The following GRID1 variants were observed in gnomAD, a reference collection of about 807,000 sequenced individuals.
The protein encoded by GRID1 is glutamate ionotropic receptor delta type subunit 1, also known as glutamate receptor ionotropic, delta-1.
In GRID1, 28 loss-of-function variants were observed where a neutral mutation model predicts 98.0. That is an observed-to-expected ratio of 0.29 (90% confidence interval 0.21 to 0.39). The LOEUF (loss-of-function observed/expected upper bound fraction) is 0.39, where lower values mean the gene tolerates loss of function less well. GRID1 is among the 10% of genes least tolerant of loss of function. The pLI, the probability that GRID1 is intolerant of heterozygous loss-of-function variation, is 1.00. For synonymous variants in GRID1, 553 were observed against 538.5 expected, an observed-to-expected ratio of 1.03 and a Z score of -0.37; for missense variants, 1,111 against 1,340.5, an observed-to-expected ratio of 0.83 and a Z score of 2.67.
chr10:86,276,009 A>C (rs1489362419), intron 2 of GRID1, among the ~76,000 whole-genome samples: 1 of 152,242 alleles, frequency 6.6e-6, no homozygotes. Flanking sequence ...AGACAAAGAA[A>C]GAATCTTAAA....
intron 4 of GRID1, among the ~76,000 whole-genome samples, chr10:85,925,192 C>T (rs1841758190): frequency 6.6e-6 from 1 of 152,172 alleles, no homozygotes; most frequent in Admixed American, 6.5e-5. Flanking sequence ...CTGGAGGGCA[C>T]AGAAACCAAA....
chr10:85,880,005 T>A (rs1840979977), intron 5 of GRID1, among the ~76,000 whole-genome samples: 1 of 152,120 alleles, frequency 6.6e-6, no homozygotes, highest in Non-Finnish European at 1.5e-5. Context: ...TCTATGCAAA[T>A]AAACTAGAAA....
chr10:85,741,305 T>C (rs1371085137), intron 8 of GRID1, among the ~76,000 whole-genome samples: 1 of 152,144 alleles, frequency 6.6e-6, no homozygotes, highest in Non-Finnish European at 1.5e-5. Flanking sequence ...GTCTTTTGCA[T>C]GATTTTGTGT....
intron 8 of GRID1, among the ~76,000 whole-genome samples, chr10:85,762,195 G>C (rs1420802019): frequency 6.6e-6 from 1 of 152,122 alleles, no homozygotes; most frequent in Non-Finnish European, 1.5e-5. Context: ...TGTCTCCTGG[G>C]TGTGCACAGT....
At chr10:86,041,074 T>A (rs1328500479) in intron 4 of GRID1, among the ~76,000 whole-genome samples, 1 of 152,188 alleles carries the variant, frequency 6.6e-6, no homozygotes, top group East Asian at 1.9e-4. Flanking sequence ...AGCCTCTCTC[T>A]CACACTTGCT....
At chr10:85,668,354 G>A (rs931022969) in intron 12 of GRID1, among the ~76,000 whole-genome samples, 2 of 152,174 alleles carry the variant, frequency 1.3e-5, no homozygotes, top group Non-Finnish European at 2.9e-5. Context: ...CTACCCTTGT[G>A]GGCATCTGTG....
intron 2 of GRID1, among the ~76,000 whole-genome samples, chr10:86,363,174 C>T (rs1166092593): frequency 6.6e-6 from 1 of 152,254 alleles, no homozygotes; most frequent in Non-Finnish European, 1.5e-5. Flanking sequence ...CTGTCGTGAA[C>T]GCCCTCGCCT....
chr10:85,968,214 G>T lies in GRID1; in HGVS notation c.727-51975C>A, dbSNP rs867458535. ...TCCTGTAATCCCAGCACTTTGGGAG[G>T]CCGAGGCGGGTGGATCACAAGGTCA... On this transcript the variant is annotated intron_variant, in intron 4 of 15. Coordinates refer to ENST00000327946, the MANE Select transcript of GRID1 (RefSeq NM_017551.3). Among the ~76,000 whole-genome samples the T allele has an allele frequency of 3.3e-4, 50 of 152,042 alleles. 1 individual carries two copies. Among genetic ancestry groups the T allele is most frequent in the African/African-American group, 1.2e-3 (49 of 41,388 alleles).
chr10:85,799,540 T>TA (rs1250224087), intron 8 of GRID1, among the ~76,000 whole-genome samples: 1 of 152,062 alleles, frequency 6.6e-6, no homozygotes, highest in Non-Finnish European at 1.5e-5. Flanking sequence ...TACTTAGCGA[T>TA]AAAAAAGACT....
intron 2 of GRID1, among the ~76,000 whole-genome samples, chr10:86,337,673 A>T (rs1848243404): frequency 6.7e-6 from 1 of 149,508 alleles, no homozygotes; most frequent in Non-Finnish European, 1.5e-5. Context: ...TATCCTGCTA[A>T]CAGCCTTTCT....
At chr10:86,152,461 G>T (rs1444409316) in intron 3 of GRID1, among the ~76,000 whole-genome samples, 1 of 152,258 alleles carries the variant, frequency 6.6e-6, no homozygotes, top group Non-Finnish European at 1.5e-5. Flanking sequence ...CACTGCACTG[G>T]AGTGAGCCCT....
chr10:86,098,140 T>C (rs1316775395), intron 4 of GRID1, among the ~76,000 whole-genome samples: 1 of 152,216 alleles, frequency 6.6e-6, no homozygotes, highest in Non-Finnish European at 1.5e-5. Flanking sequence ...CAAGTCAATG[T>C]AGTTACCATA....
At chr10:85,843,468 T>C (rs1258381385) in intron 8 of GRID1, among the ~76,000 whole-genome samples, 1 of 152,100 alleles carries the variant, frequency 6.6e-6, no homozygotes, top group Non-Finnish European at 1.5e-5. Context: ...ACTTTAGCTT[T>C]GCAAAAAATC....
chr10:85,943,408 C>CA (rs1193059448), intron 4 of GRID1, among the ~76,000 whole-genome samples: 4 of 151,842 alleles, frequency 2.6e-5, no homozygotes, highest in Non-Finnish European at 1.5e-5. Flanking sequence ...GAAAAAAATA[C>CA]CAGAAACATA....
intron 4 of GRID1, among the ~76,000 whole-genome samples, chr10:86,019,455 G>C (rs1268855055): frequency 6.6e-6 from 1 of 152,192 alleles, no homozygotes; most frequent in East Asian, 1.9e-4. Flanking sequence ...TCGGGGCATG[G>C]GGCATTTCCC....
At chr10:85,925,015 C>T (rs1841755511) in intron 4 of GRID1, among the ~76,000 whole-genome samples, 1 of 152,118 alleles carries the variant, frequency 6.6e-6, no homozygotes, top group Admixed American at 6.5e-5. Flanking sequence ...TACATGTGGA[C>T]AATTTATAAG....
At chr10:85,917,271 G>A (rs553348165) in intron 4 of GRID1, among the ~76,000 whole-genome samples, 10 of 151,642 alleles carry the variant, frequency 6.6e-5, no homozygotes, top group Admixed American at 2.0e-4. Flanking sequence ...TTTTTTGTTT[G>A]TAATGTAATT....
At chr10:86,003,950 G>A (rs1281357766) in intron 4 of GRID1, among the ~76,000 whole-genome samples, 2 of 152,196 alleles carry the variant, frequency 1.3e-5, no homozygotes, top group African/African-American at 4.8e-5. Flanking sequence ...GTTCACTACA[G>A]CACTGCCCAT....
intron 5 of GRID1, among the ~76,000 whole-genome samples, chr10:85,881,730 T>C (rs1327114685): frequency 6.6e-6 from 1 of 152,128 alleles, no homozygotes; most frequent in Non-Finnish European, 1.5e-5. Context: ...GCTTCATGTC[T>C]AAAACACCAA....
Sources: allele counts gnomAD v4.1 joint callset (sites outside exome capture counted in the v4.1 genomes callset), GRCh38; gene constraint gnomAD v4.1.1; transcripts MANE v1.5; gene names NCBI Gene and HGNC (gene_info 2026-07-23, HGNC 2026-07-21).